Variants in NEDD9 observed in about 807,000 individuals in gnomAD.
The protein encoded by NEDD9 is enhancer of filamentation 1.
Under a neutral mutation model 76.6 loss-of-function variants are expected in NEDD9, and 26 were observed. The ratio of observed to expected loss-of-function variants is 0.34; its 90% CI spans 0.25 to 0.47. NEDD9 has a LOEUF of 0.47. Ranked by LOEUF, NEDD9 falls within the 20% of genes least tolerant of loss-of-function variation. The pLI is 1.00. For synonymous variants in NEDD9, 392 were observed against 414.2 expected (o/e 0.95, Z 0.65); for missense variants, 937 against 1,058.5 (o/e 0.89, Z 1.59).
chr6:11,210,766 G>GGACAGAGA (rs1554125284), intron 2 of NEDD9, among the ~76,000 whole-genome samples: 2 of 121,854 alleles, frequency 1.6e-5, no homozygotes, highest in African/African-American at 6.6e-5. Flanking sequence ...AGGGATGGGG[G>GGACAGAGA]GAGAGAGAGA....
At chr6:11,234,948 G>A (rs1369437378), upstream of NEDD9, among the ~76,000 whole-genome samples, 3 of 152,216 alleles carry the variant, frequency 2.0e-5, no homozygotes, top group African/African-American at 7.2e-5. Context: ...CTGACCTCAG[G>A]TGATCTACCT....
At chr6:11,331,390 G>T (rs772777664) in intron 2 of NEDD9, among the ~76,000 whole-genome samples, 2 of 150,016 alleles carry the variant, frequency 1.3e-5, no homozygotes, top group African/African-American at 4.9e-5. Flanking sequence ...GGGGTGGGGG[G>T]TGTGGACAGG....
chr6:11,271,994 T>A (rs993781693), intron 3 of NEDD9, among the ~76,000 whole-genome samples: 3 of 152,174 alleles, frequency 2.0e-5, no homozygotes, highest in African/African-American at 7.2e-5. Context: ...TTCCGTCTAG[T>A]TCTCCTATCA....
chr6:11,221,199 A>T (rs761155334), intron 1 of NEDD9, among the ~76,000 whole-genome samples: 51 of 152,114 alleles, frequency 3.4e-4, no homozygotes, highest in Non-Finnish European at 6.6e-4. Flanking sequence ...CCTGGGCAAC[A>T]TGGTGAAACC....
At chr6:11,358,904 G>T (rs1399134581) in intron 1 of NEDD9, among the ~76,000 whole-genome samples, 1 of 152,196 alleles carries the variant, frequency 6.6e-6, no homozygotes, top group African/African-American at 2.4e-5. Context: ...AATGAGAAAG[G>T]TAGCCTTGCT....
intron 2 of NEDD9, among the ~76,000 whole-genome samples, chr6:11,203,155 G>C (rs543217262): frequency 6.6e-6 from 1 of 152,224 alleles, no homozygotes; most frequent in Non-Finnish European, 1.5e-5. Flanking sequence ...GGGAAATGAC[G>C]TCTGGGTTTC....
At chr6:11,367,028 T>C (rs11756278) in intron 1 of NEDD9, among the ~76,000 whole-genome samples, 30,422 of 152,222 alleles carry the variant, frequency 0.2, 3,165 homozygotes, top group African/African-American at 0.25. Flanking sequence ...AAACCTAGAT[T>C]AGTTTTTGCT....
At chr6:11,342,637 A>G (rs1762295672) in intron 1 of NEDD9, among the ~76,000 whole-genome samples, 2 of 152,232 alleles carry the variant, frequency 1.3e-5, no homozygotes, top group Admixed American at 1.3e-4. Context: ...GAGAAGATTC[A>G]TCACAAGCAG....
chr6:11,261,893 G>A (rs1760123439), intron 3 of NEDD9, among the ~76,000 whole-genome samples: 1 of 152,172 alleles, frequency 6.6e-6, no homozygotes, highest in African/African-American at 2.4e-5. Context: ...TTGCTATGAT[G>A]TGTTAGATTC....
chr6:11,358,246 C>CAAA (rs35011508), intron 1 of NEDD9, among the ~76,000 whole-genome samples: 7 of 61,294 alleles, frequency 1.1e-4, no homozygotes, highest in South Asian at 1.5e-3. Context: ...AAGACTCCGT[C>CAAA]AAAAAAAAAA....
chr6:11,223,497 C>A (rs7740156), intron 1 of NEDD9, among the ~76,000 whole-genome samples: 82,150 of 148,452 alleles, frequency 0.55, 23,075 homozygotes, highest in African/African-American at 0.7. Flanking sequence ...GAAAAAAAAA[C>A]CAACAAAACA....
chr6:11,264,550 A>G (rs1383318974), intron 3 of NEDD9, among the ~76,000 whole-genome samples: 3 of 152,324 alleles, frequency 2.0e-5, no homozygotes. Context: ...CTTTTTGCAA[A>G]TAAAAAGTGT....
At chr6:11,335,206 A>G (rs918807921) in intron 1 of NEDD9, among the ~76,000 whole-genome samples, 1 of 152,214 alleles carries the variant, frequency 6.6e-6, no homozygotes, top group Non-Finnish European at 1.5e-5. Context: ...TCGGATTGTG[A>G]CATGCAATGA....
At chr6:11,334,908 A>T (rs1482044673) in intron 1 of NEDD9, among the ~76,000 whole-genome samples, 1 of 152,224 alleles carries the variant, frequency 6.6e-6, no homozygotes. Flanking sequence ...GAAGTTTTGC[A>T]AAGAGGACGA....
chr6:11,225,945 G>A (rs1350277951), intron 1 of NEDD9, among the ~76,000 whole-genome samples: 1 of 151,704 alleles, frequency 6.6e-6, no homozygotes. Flanking sequence ...ATGAAAAACT[G>A]CTGTCAGCTC....
intron 3 of NEDD9, among the ~76,000 whole-genome samples, chr6:11,292,202 A>C (rs975642426): frequency 2.6e-5 from 4 of 152,206 alleles, no homozygotes; most frequent in African/African-American, 9.6e-5. Flanking sequence ...ATCTATGGGA[A>C]AAGAAAGCCA....
chr6:11,338,612 C>T lies in NEDD9; in HGVS notation c.-213-4051G>A, dbSNP rs560836224. 1.2e-4 allele frequency among the ~76,000 whole-genome samples: 18 copies of T among 152,246 alleles called. No individual in the cohort carries two copies. In the South Asian group the frequency reaches 2.1e-3, roughly 18 times the overall value. ...CCTTTGCAAATGGGAAAGGAATGGA[C>T]GCATTCCAGCTCTTTTAAAAATTAA... On this transcript the variant is annotated intron_variant, in intron 1 of 3. Transcript: ENST00000397378.
At chr6:11,291,279 T>TTTTTTG in intron 3 of NEDD9, among the ~76,000 whole-genome samples, 1 of 141,846 alleles carries the variant, frequency 7.0e-6, no homozygotes, top group African/African-American at 2.8e-5. Flanking sequence ...TTTTTTTTTT[T>TTTTTTG]TTTTTTTTTT....
chr6:11,381,576 T>G (rs1763064354), intron 1 of NEDD9, among the ~76,000 whole-genome samples: 1 of 152,172 alleles, frequency 6.6e-6, no homozygotes, highest in Non-Finnish European at 1.5e-5. Context: ...CTTGGGCGGC[T>G]CACTATGGAC....
Sources: allele counts gnomAD v4.1 joint callset (sites outside exome capture counted in the v4.1 genomes callset), GRCh38; gene constraint gnomAD v4.1.1; transcripts MANE v1.5; gene names NCBI Gene and HGNC (gene_info 2026-07-23, HGNC 2026-07-21).